The following FER variants were observed in gnomAD, a reference collection of about 807,000 sequenced individuals.
FER encodes the protein tyrosine-protein kinase Fer.
FER carries 63 observed loss-of-function variants against 111.0 expected under a neutral mutation model. The ratio of observed to expected loss-of-function variants is 0.57; its 90% CI spans 0.46 to 0.70. FER has a LOEUF of 0.70. Ranked by LOEUF, FER falls within the 30% of genes least tolerant of loss-of-function variation. The pLI is 0.00. For synonymous variants in FER, 327 were observed against 313.9 expected (o/e 1.04, Z -0.44); for missense variants, 914 against 954.0 (o/e 0.96, Z 0.55).
At chr5:108,886,142 G>C (rs1471532372) in intron 9 of FER, among the ~76,000 whole-genome samples, 1 of 151,696 alleles carries the variant, frequency 6.6e-6, no homozygotes, top group African/African-American at 2.4e-5. Context: ...TAAGTTGTTG[G>C]AGGAGATGAT....
chr5:109,012,560 A>G (rs1397520204), intron 13 of FER, among the ~76,000 whole-genome samples: 1 of 152,230 alleles, frequency 6.6e-6, no homozygotes, highest in African/African-American at 2.4e-5. Flanking sequence ...ACATTCAGGT[A>G]ATATGATTCC....
intron 17 of FER, among the ~76,000 whole-genome samples, chr5:109,159,119 G>A (rs1006284224): frequency 1.3e-5 from 2 of 152,100 alleles, no homozygotes; most frequent in Non-Finnish European, 2.9e-5. Context: ...TCTCTGGCCA[G>A]TTGGGTAAAA....
At chr5:109,029,425 C>CTTTTTTTTTTT (rs757282669) in intron 13 of FER, among the ~76,000 whole-genome samples, 30 of 52,198 alleles carry the variant, frequency 5.7e-4, no homozygotes, top group Non-Finnish European at 7.2e-4. Context: ...ATTCATTGTT[C>CTTTTTTTTTTT]TTTTTTTTTT....
chr5:109,000,875 C>G (rs949374958), intron 13 of FER, among the ~76,000 whole-genome samples: 17 of 152,142 alleles, frequency 1.1e-4, no homozygotes, highest in Non-Finnish European at 2.1e-4. Context: ...ACTATAAACA[C>G]CTCTACGCAA....
intron 5 of FER, among the ~76,000 whole-genome samples, chr5:108,864,477 T>G (rs1763835607): frequency 6.6e-6 from 1 of 152,160 alleles, no homozygotes; most frequent in Non-Finnish European, 1.5e-5. Flanking sequence ...TGAGGAATAC[T>G]CAGATGGTTG....
intron 2 of FER, among the ~76,000 whole-genome samples, chr5:108,780,408 T>G (rs1753932049): frequency 6.6e-6 from 1 of 151,910 alleles, no homozygotes; most frequent in Non-Finnish European, 1.5e-5. Flanking sequence ...TTTTACTTTT[T>G]ATCTTAAGAT....
intron 10 of FER, among the ~76,000 whole-genome samples, chr5:108,919,231 C>T (rs1186052151): frequency 6.0e-5 from 9 of 149,438 alleles, no homozygotes; most frequent in South Asian, 2.1e-4. Flanking sequence ...TTTTTTAAAT[C>T]AGAGTTGGAT....
rs1759499242 is a variant in FER at position 108,826,584 on chromosome 5, C to T, written c.208-6186C>T. 2.0e-5 allele frequency among the ~76,000 whole-genome samples: 3 copies of T among 152,122 alleles called. No individual in the cohort carries two copies. The South Asian group carries it at 6.2e-4, about 32-fold the overall frequency. ...TGTTTCTTATAGTGTCTTTGTCTGG[C>T]TTTGCTGTCAGGGTAATACTGGCTT... is the stretch of plus-strand genomic sequence containing the variant. On this transcript the variant is annotated intron_variant, in intron 3 of 19. Transcript: ENST00000281092.
chr5:108,779,844 G>A (rs1378280971), intron 2 of FER, among the ~76,000 whole-genome samples: 1 of 152,060 alleles, frequency 6.6e-6, no homozygotes, highest in African/African-American at 2.4e-5. Context: ...GAGAGGTGAC[G>A]GGACAACCTT....
intron 10 of FER, among the ~76,000 whole-genome samples, chr5:108,929,613 A>T (rs1581243429): frequency 6.7e-6 from 1 of 149,310 alleles, no homozygotes; most frequent in Non-Finnish European, 1.5e-5. Flanking sequence ...TTTTTTTTTT[A>T]AAGGAAGTCA....
chr5:108,752,474 C>G (rs1393381582), intron 1 of FER, among the ~76,000 whole-genome samples: 1 of 151,800 alleles, frequency 6.6e-6, no homozygotes, highest in Admixed American at 6.6e-5. Context: ...AGGCTGTTAC[C>G]TTAAATTAGA....
At chr5:109,019,411 G>T (rs1160865420) in intron 13 of FER, among the ~76,000 whole-genome samples, 1 of 151,698 alleles carries the variant, frequency 6.6e-6, no homozygotes, top group African/African-American at 2.4e-5. Context: ...AAGTATCATT[G>T]TTAGTATTGT....
At chr5:108,932,610 A>G (rs1206161726) in intron 10 of FER, among the ~76,000 whole-genome samples, 3 of 152,168 alleles carry the variant, frequency 2.0e-5, no homozygotes, top group East Asian at 1.9e-4. Flanking sequence ...GTCTTCCACA[A>G]TAGGTGAACT....
At chr5:109,111,248 T>G (rs979020385) in intron 17 of FER, among the ~76,000 whole-genome samples, 1 of 152,150 alleles carries the variant, frequency 6.6e-6, no homozygotes, top group Non-Finnish European at 1.5e-5. Flanking sequence ...TAATTATTAT[T>G]TACCTAAGTG....
intron 17 of FER, among the ~76,000 whole-genome samples, chr5:109,147,185 A>G (rs1754318443): frequency 1.3e-5 from 2 of 152,066 alleles, no homozygotes; most frequent in Admixed American, 1.3e-4. Flanking sequence ...ACATTTAAAA[A>G]ATGTTAAAAT....
At chr5:109,002,132 C>G in intron 13 of FER, among the ~76,000 whole-genome samples, 1 of 151,208 alleles carries the variant, frequency 6.6e-6, no homozygotes. Context: ...CTTTAAAGTT[C>G]ATATGGAACC....
intron 17 of FER, among the ~76,000 whole-genome samples, chr5:109,141,104 G>A (rs923252602): frequency 2.0e-5 from 3 of 152,128 alleles, no homozygotes; most frequent in Non-Finnish European, 4.4e-5. Context: ...CCTTCAGAGG[G>A]CGTACAGGTG....
chr5:109,184,840 A>G (rs1758685210), intron 18 of FER, among the ~76,000 whole-genome samples: 1 of 152,172 alleles, frequency 6.6e-6, no homozygotes, highest in Non-Finnish European at 1.5e-5. Context: ...TCTGGTTTTC[A>G]CTAAGTACTT....
intron 10 of FER, among the ~76,000 whole-genome samples, chr5:108,901,677 T>C (rs923555017): frequency 2.0e-5 from 3 of 152,164 alleles, no homozygotes; most frequent in Non-Finnish European, 2.9e-5. Context: ...GTAGACTGGA[T>C]GTAGTGGCTC....
Sources: allele counts gnomAD v4.1 joint callset (sites outside exome capture counted in the v4.1 genomes callset), GRCh38; gene constraint gnomAD v4.1.1; transcripts MANE v1.5; gene names NCBI Gene and HGNC (gene_info 2026-07-23, HGNC 2026-07-21).